The following NUP153 variants were observed in gnomAD, a reference collection of about 807,000 sequenced individuals.
The protein encoded by NUP153 is nuclear pore complex protein Nup153.
Under a neutral mutation model 134.6 loss-of-function variants are expected in NUP153, and 27 were observed. The ratio of observed to expected loss-of-function variants is 0.20; its 90% CI spans 0.15 to 0.28. The LOEUF (loss-of-function observed/expected upper bound fraction) is 0.28. NUP153 is among the 10% of genes least tolerant of loss of function. The pLI, the probability that NUP153 is intolerant of heterozygous loss-of-function variation, is 1.00. For synonymous variants in NUP153, 640 were observed against 623.5 expected, an observed-to-expected ratio of 1.03 and a Z score of -0.40; for missense variants, 1,821 against 1,731.3, an observed-to-expected ratio of 1.05 and a Z score of -0.92.
In NUP153 at chr6:17,675,195, T is replaced by C; in HGVS notation, c.723+34A>G. On this transcript the variant is annotated intron_variant, in intron 4 of 21. Coordinates refer to ENST00000262077, the MANE Select transcript of NUP153 (RefSeq NM_005124.4). The surrounding 1 kb of genome is among the most constrained non-coding windows in gnomAD (Gnocchi z 4.4). Reference sequence around the variant, plus strand: ...ATTATAAGCAATAAACACTCAAAACTAATGTGATTAAATCCAACCCAGTTA... The same window carrying C: ...ATTATAAGCAATAAACACTCAAAACCAATGTGATTAAATCCAACCCAGTTA... 6.2e-7 allele frequency: 1 copy of C among 1,605,472 alleles called. No individual in the cohort carries two copies. Among genetic ancestry groups the C allele is most frequent in the Non-Finnish European group, 8.5e-7 (1 of 1,175,410 alleles).
chr6:17,686,398 T>A (rs996021302), intron 2 of NUP153, among the ~76,000 whole-genome samples: 22 of 152,040 alleles, frequency 1.4e-4, no homozygotes, highest in Non-Finnish European at 2.6e-4. Context: ...ACCTTTTTTT[T>A]ATTTCTTTTT....
intron 2 of NUP153, among the ~76,000 whole-genome samples, chr6:17,683,013 T>A (rs1357129760): frequency 1.3e-5 from 2 of 151,992 alleles, no homozygotes; most frequent in East Asian, 1.9e-4. Context: ...ATTGCAGTAA[T>A]TCAGTCACAT....
At chr6:17,616,290 G>GGGGGGGGGCCC in intron 21 of NUP153, 109 bp from the exon 22 acceptor site, 2 of 473,890 alleles carry the variant, frequency 4.2e-6, no homozygotes, top group Non-Finnish European at 7.8e-6. Context: ...GGTGGGGGGG[G>GGGGGGGGGCCC]AGTAGACTCA....
Position 17,651,868 on chromosome 6 carries a change from A to G in NUP153, c.1396-2568T>C, listed in dbSNP as rs1464261758. 5.9e-6 allele frequency: 4 copies of G among 676,002 alleles called. 1 individual carries two copies. Among genetic ancestry groups the G allele is most frequent in the South Asian group, 3.1e-5 (2 of 65,188 alleles). The allele number at this position is 676,002 out of a possible 1,614,324, so 41.9% of individuals were successfully genotyped here. A position where few individuals can be genotyped will look rare whatever the true frequency, so the allele number is the denominator to read the frequency against. On this transcript the variant is annotated intron_variant, in intron 11 of 21. Transcript: ENST00000262077. ...CAGCACTTTGAGAGGCCAAGATGGGATGATCGCTTGAGCGCAGGAGCTCGA... is the reference window on the plus strand; with the variant it reads ...CAGCACTTTGAGAGGCCAAGATGGGGTGATCGCTTGAGCGCAGGAGCTCGA...
At chr6:17,696,678 C>A (rs1418812383) in intron 1 of NUP153, among the ~76,000 whole-genome samples, 4 of 152,016 alleles carry the variant, frequency 2.6e-5, no homozygotes, top group Non-Finnish European at 5.9e-5. Context: ...TGGCGTGAAC[C>A]CGGCAGGCGG....
At chr6:17,685,850 T>TA (rs879939245) in intron 2 of NUP153, among the ~76,000 whole-genome samples, 159 of 145,500 alleles carry the variant, frequency 1.1e-3, no homozygotes, top group African/African-American at 1.7e-3. Context: ...CCACTTACAT[T>TA]AAAAAAAAAA....
intron 10 of NUP153, 98 bp downstream of exon 10, chr6:17,661,917 TCTG>T: frequency 7.8e-7 from 1 of 1,283,604 alleles, no homozygotes; most frequent in Non-Finnish European, 1.1e-6. Context: ...ATATAAAGTT[TCTG>T]TTCTTTGATT....
chr6:17,689,197 C>G (rs1389718174), intron 1 of NUP153, among the ~76,000 whole-genome samples: 2 of 151,896 alleles, frequency 1.3e-5, no homozygotes, highest in African/African-American at 4.8e-5. Flanking sequence ...ACCAGCCTGA[C>G]CAACATGGAG....
chr6:17,647,000 A>C (rs1012709044), intron 13 of NUP153, among the ~76,000 whole-genome samples: 1 of 142,282 alleles, frequency 7.0e-6, no homozygotes, highest in Non-Finnish European at 1.5e-5. Context: ...CAAGTGATCC[A>C]CCTGCCTCGG....
At position 17,683,581 on chromosome 6, in the gene NUP153, G is replaced by A. The variant is rs1402577335; in HGVS notation, c.334+4815C>T. Reference sequence around the variant, plus strand: ...TGTTCAGTAAACCATGCTGTAAATAGATGTGTTGTCATCCAGGTTTTGTTG... The same window carrying A: ...TGTTCAGTAAACCATGCTGTAAATAAATGTGTTGTCATCCAGGTTTTGTTG... On this transcript the variant is annotated intron_variant, in intron 2 of 21. Coordinates refer to ENST00000262077, the MANE Select transcript of NUP153 (RefSeq NM_005124.4). Among the ~76,000 whole-genome samples the A allele has an allele frequency of 2.0e-5, 3 of 152,296 alleles. No individual in the cohort carries two copies. In the East Asian group the frequency reaches 5.8e-4, roughly 29 times the overall value.
chr6:17,658,332 G>C (rs1766962311), intron 11 of NUP153, among the ~76,000 whole-genome samples: 1 of 152,208 alleles, frequency 6.6e-6, no homozygotes, highest in Non-Finnish European at 1.5e-5. Flanking sequence ...AGAGGCAGAG[G>C]CTGCAGTGAG....
chr6:17,689,497 G>C (rs1769151244), intron 1 of NUP153, among the ~76,000 whole-genome samples: 1 of 150,686 alleles, frequency 6.6e-6, no homozygotes, highest in Non-Finnish European at 1.5e-5. Flanking sequence ...TACAGCAAAT[G>C]TTGGCTGAAA....
Position 17,669,031 on chromosome 6 carries a change from G to GAAAAA in NUP153, c.1015-8_1015-4dup. On this transcript the variant is annotated splice_polypyrimidine_tract_variant and splice_region_variant and intron_variant, in intron 7 of 21. Coordinates refer to ENST00000262077, the MANE Select transcript of NUP153 (RefSeq NM_005124.4). ...TCTATCCCACTCCTATCAAGAGGCT[G>GAAAAA]AAAAAAAAAAAAAACACTATTAGAA... The GAAAAA allele has an allele frequency of 1.7e-6, 2 of 1,199,522 alleles. No homozygotes were observed. The highest frequency in any genetic ancestry group is 1.7e-5 in the South Asian group (1 of 59,172). The allele number at this position is 1,199,522 out of a possible 1,614,324, so 74.3% of individuals were successfully genotyped here. A position where few individuals can be genotyped will look rare whatever the true frequency, so the allele number is the denominator to read the frequency against.
At chr6:17,640,875 G>A (rs1429062231) in intron 14 of NUP153, among the ~76,000 whole-genome samples, 1 of 151,794 alleles carries the variant, frequency 6.6e-6, no homozygotes, top group Non-Finnish European at 1.5e-5. Flanking sequence ...CTCCCACATC[G>A]GCCTCCCAAA....
chr6:17,616,559 T>A lies in NUP153; in HGVS notation c.4311A>T (p.Pro1437=). Residue 1437 remains proline, a synonymous_variant, in exon 21 of 22, where the codon CCA becomes CCT. Transcript: ENST00000262077. ...TAAATGCTGCTGGAGACTGGTTAAA[T>A]GGAAAGCCCCCCGAGCCTGAAGGCT... ...SAQPSGSGGF[P]FNQSPAAFTV... 6.2e-7 allele frequency: 1 copy of A among 1,613,622 alleles called. No individual in the cohort carries two copies. Among genetic ancestry groups the A allele is most frequent in the African/African-American group, 1.3e-5 (1 of 74,980 alleles).
chr6:17,649,413 A>G (rs1766391770), intron 11 of NUP153, 113 bp from the exon 12 acceptor site: 2 of 885,606 alleles, frequency 2.3e-6, no homozygotes, highest in Non-Finnish European at 3.2e-6. Context: ...TAGTGTTAAC[A>G]TTATGGGTTC....
chr6:17,684,017 AAT>A (rs1768768825), intron 2 of NUP153, among the ~76,000 whole-genome samples: 1 of 152,056 alleles, frequency 6.6e-6, no homozygotes, highest in Non-Finnish European at 1.5e-5. Flanking sequence ...TGGTTGTTAA[AAT>A]AGTCTGGGAC....
intron 1 of NUP153, among the ~76,000 whole-genome samples, chr6:17,705,409 T>C (rs542046452): frequency 5.1e-4 from 77 of 152,316 alleles, no homozygotes; most frequent in African/African-American, 1.7e-3. Context: ...CAGGAGTTCA[T>C]ACAGTGGCTA....
intron 1 of NUP153, among the ~76,000 whole-genome samples, chr6:17,698,621 C>A (rs1015279917): frequency 6.6e-6 from 1 of 151,858 alleles, no homozygotes; most frequent in African/African-American, 2.4e-5. Flanking sequence ...ACCTGTAGTC[C>A]CAGCTACTTG....
Sources: gnomAD v4.1 joint callset for allele counts (sites outside exome capture counted in the v4.1 genomes callset) on GRCh38, gnomAD v4.1.1 for gene constraint, Gnocchi (gnomAD v3.1) non-coding constraint, MANE v1.5 for transcripts, NCBI Gene and HGNC (gene_info 2026-07-23, HGNC 2026-07-21) for gene names.